ULK4: variants seen among roughly 807,000 people sequenced by gnomAD.
ULK4 encodes the protein unc-51 like kinase 4, also known as inactive serine/threonine-protein kinase ULK4.
A neutral mutation model predicts 160.6 loss-of-function variants in ULK4; 133 were observed. That is an observed-to-expected ratio of 0.83 (90% CI 0.72 to 0.96). The LOEUF is 0.96. Among genes scored for constraint, ULK4 ranks in the 40% least tolerant of loss-of-function variants. The pLI, the probability that ULK4 is intolerant of heterozygous loss-of-function variation, is 0.00. For missense variants in ULK4, 1,580 were observed against 1,499.5 expected, an observed-to-expected ratio of 1.05 and a Z score of -0.89; for synonymous variants, 534 against 539.8, an observed-to-expected ratio of 0.99 and a Z score of 0.15.
At chr3:41,943,609 T>G (rs749872872) in intron 2 of ULK4, among the ~76,000 whole-genome samples, 1 of 152,104 alleles carries the variant, frequency 6.6e-6, no homozygotes, top group African/African-American at 2.4e-5. Flanking sequence ...ACCTCCTCTT[T>G]CCTCTCCTCT....
intron 34 of ULK4, among the ~76,000 whole-genome samples, chr3:41,417,667 A>C (rs9815268): frequency 6.6e-6 from 1 of 151,934 alleles, no homozygotes; most frequent in Non-Finnish European, 1.5e-5. Context: ...CAGCAGGAAC[A>C]AGAGAAAAGG....
intron 17 of ULK4, among the ~76,000 whole-genome samples, chr3:41,849,219 C>T (rs1211575601): frequency 6.6e-6 from 1 of 152,180 alleles, no homozygotes; most frequent in Non-Finnish European, 1.5e-5. Flanking sequence ...AAAAACATCA[C>T]TCTAGCTAGA....
At chr3:41,357,742 C>T (rs1368158713) in intron 35 of ULK4, among the ~76,000 whole-genome samples, 2 of 152,164 alleles carry the variant, frequency 1.3e-5, no homozygotes. Context: ...GCTGTCCCCT[C>T]CCACTTACGC....
At chr3:41,250,443 C>G (rs1315262568) in intron 35 of ULK4, among the ~76,000 whole-genome samples, 2 of 152,192 alleles carry the variant, frequency 1.3e-5, no homozygotes, top group East Asian at 3.8e-4. Flanking sequence ...GCCTACCTTA[C>G]AAGGTAAGTA....
At chr3:41,546,967 G>A (rs138524195) in intron 32 of ULK4, among the ~76,000 whole-genome samples, 130 of 152,188 alleles carry the variant, frequency 8.5e-4, no homozygotes, top group African/African-American at 2.9e-3. Flanking sequence ...GTTTTTCTAT[G>A]AATACGTTCA....
intron 16 of ULK4, among the ~76,000 whole-genome samples, chr3:41,891,531 A>G (rs1488586110): frequency 1.3e-5 from 2 of 152,008 alleles, no homozygotes; most frequent in African/African-American, 4.8e-5. Flanking sequence ...CTACAGAACT[A>G]CAGTTAGTAC....
At chr3:41,565,339 G>C (rs1054454580) in intron 32 of ULK4, among the ~76,000 whole-genome samples, 1 of 152,172 alleles carries the variant, frequency 6.6e-6, no homozygotes, top group Non-Finnish European at 1.5e-5. Flanking sequence ...GGTCATATCT[G>C]TTTTTATTTT....
At position 41,896,690 on chromosome 3, in the gene ULK4, A is replaced by C. The variant is rs918732670; in HGVS notation, c.1530+132T>G. ...AGGACCTAAGGATTAAGCAGAGGATAATTTTCATAAACCTAAAATCGTGAT... is the reference window on the plus strand; with the variant it reads ...AGGACCTAAGGATTAAGCAGAGGATCATTTTCATAAACCTAAAATCGTGAT... On this transcript the variant is annotated intron_variant, in intron 15 of 36. Coordinates refer to ENST00000301831, the MANE Select transcript of ULK4 (RefSeq NM_017886.4). 4 of 1,011,806 alleles carry C rather than the reference A, an allele frequency of 4.0e-6. No homozygotes were observed. The African/African-American group carries it at 4.8e-5, about 12-fold the overall frequency. 62.7% of individuals were successfully genotyped at this position (1,011,806 alleles called of 1,614,324 possible). A position where few individuals can be genotyped will look rare whatever the true frequency, so the allele number is the denominator to read the frequency against.
At chr3:41,757,702 C>T (rs1350543892) in intron 21 of ULK4, among the ~76,000 whole-genome samples, 3 of 151,086 alleles carry the variant, frequency 2.0e-5, no homozygotes, top group Non-Finnish European at 4.4e-5. Flanking sequence ...GGTGCAATCT[C>T]GGCTCACTGT....
intron 35 of ULK4, among the ~76,000 whole-genome samples, chr3:41,385,804 G>A (rs1267646280): frequency 6.6e-6 from 1 of 152,184 alleles, no homozygotes; most frequent in African/African-American, 2.4e-5. Context: ...GAGAGGTTGT[G>A]TCTTGTCTAT....
At chr3:41,254,196 A>G (rs1275065116) in intron 35 of ULK4, among the ~76,000 whole-genome samples, 2 of 152,234 alleles carry the variant, frequency 1.3e-5, no homozygotes, top group African/African-American at 4.8e-5. Flanking sequence ...GTATTCACAT[A>G]TATTGCAAGA....
intron 22 of ULK4, among the ~76,000 whole-genome samples, chr3:41,722,390 A>T (rs974606417): frequency 6.6e-6 from 1 of 152,166 alleles, no homozygotes; most frequent in Non-Finnish European, 1.5e-5. Flanking sequence ...GCACTTTGGG[A>T]GGCCATGGCG....
chr3:41,476,330 T>C (rs911628465), intron 32 of ULK4, among the ~76,000 whole-genome samples: 1 of 152,208 alleles, frequency 6.6e-6, no homozygotes, highest in Admixed American at 6.5e-5. Flanking sequence ...TAGAAACTTT[T>C]GGTATGGAGG....
At chr3:41,657,818 T>TAAAAAAAAAGAAAAAAAAAAAAA (rs2034996628) in intron 30 of ULK4, among the ~76,000 whole-genome samples, 1 of 99,760 alleles carries the variant, frequency 1.0e-5, no homozygotes, top group Non-Finnish European at 1.8e-5. Context: ...TCCATCTCAT[T>TAAAAAAAAAGAAAAAAAAAAAAA]AAAAAAAAAA....
chr3:41,287,220 G>A (rs2079477698), intron 35 of ULK4, among the ~76,000 whole-genome samples: 1 of 152,168 alleles, frequency 6.6e-6, no homozygotes, highest in South Asian at 2.1e-4. Flanking sequence ...CAGAGATGAA[G>A]AGAGTTACTG....
At chr3:41,747,173 A>G (rs1313395204) in intron 22 of ULK4, among the ~76,000 whole-genome samples, 3 of 151,906 alleles carry the variant, frequency 2.0e-5, no homozygotes, top group Admixed American at 6.6e-5. Flanking sequence ...AAAATTCAAC[A>G]CTTTGGTTCT....
Position 41,391,244 on chromosome 3 carries a change from GA to G in ULK4, c.3678+6834del, listed in dbSNP as rs145769830. On this transcript the variant is annotated intron_variant, in intron 35 of 36. Transcript: ENST00000301831. ...TACAAATGAGTGTGTATGGATTCAA[GA>G]AAAGATCTCTTTCAGAAACGCTTAA... Among the ~76,000 whole-genome samples, 1,018 of 152,196 alleles carry G rather than the reference GA, an allele frequency of 6.7e-3. 4 individuals carry two copies. The highest frequency in any genetic ancestry group is 0.015 in the East Asian group (79 of 5,172).
chr3:41,514,242 T>C (rs542647442), intron 32 of ULK4, among the ~76,000 whole-genome samples: 4 of 152,256 alleles, frequency 2.6e-5, no homozygotes, highest in African/African-American at 9.6e-5. Flanking sequence ...AAAGAGTTAA[T>C]AAAATAAACA....
intron 31 of ULK4, among the ~76,000 whole-genome samples, chr3:41,579,480 CTAATATTTT>C (rs1309316832): frequency 6.8e-5 from 9 of 132,852 alleles, no homozygotes; most frequent in Middle Eastern, 3.7e-3. Flanking sequence ...CAATCTGGAA[CTAATATTTT>C]TTTTTTTTTT....
Sources: gnomAD v4.1 joint callset for allele counts (sites outside exome capture counted in the v4.1 genomes callset) on GRCh38, gnomAD v4.1.1 for gene constraint, MANE v1.5 for transcripts, NCBI Gene and HGNC (gene_info 2026-07-23, HGNC 2026-07-21) for gene names.